Variants in LHFPL3 observed in about 807,000 individuals in gnomAD.
LHFPL3 encodes the protein LHFPL tetraspan subfamily member 3, also known as LHFPL tetraspan subfamily member 3 protein.
In LHFPL3, 5 loss-of-function variants were observed where a neutral mutation model predicts 19.3. The observed-to-expected ratio is 0.26, with a 90% CI of 0.14 to 0.54. The LOEUF (loss-of-function observed/expected upper bound fraction) is 0.54. Ranked by LOEUF, LHFPL3 falls within the 20% of genes least tolerant of loss-of-function variation. The pLI, the probability that LHFPL3 is intolerant of heterozygous loss-of-function variation, is 0.94. For missense variants in LHFPL3, 249 were observed against 307.4 expected, an observed-to-expected ratio of 0.81 and a Z score of 1.42; for synonymous variants, 133 against 126.2, an observed-to-expected ratio of 1.05 and a Z score of -0.36.
At chr7:104,901,626 G>A (rs903766265) in intron 2 of LHFPL3, among the ~76,000 whole-genome samples, 7 of 152,174 alleles carry the variant, frequency 4.6e-5, no homozygotes, top group South Asian at 4.1e-4. Context: ...GGAGTGCAGT[G>A]GTGCGTTCAT....
intron 1 of LHFPL3, among the ~76,000 whole-genome samples, chr7:104,497,309 G>GAAAAAAAAA (rs34908934): frequency 6.2e-5 from 6 of 96,680 alleles, no homozygotes; most frequent in Non-Finnish European, 9.3e-5. Flanking sequence ...TTGAGAAAAG[G>GAAAAAAAAA]AAAAAAAAAA....
intron 2 of LHFPL3, among the ~76,000 whole-genome samples, chr7:104,758,283 T>C (rs1319170857): frequency 6.6e-6 from 1 of 152,176 alleles, no homozygotes; most frequent in Non-Finnish European, 1.5e-5. Flanking sequence ...AGGGATCATT[T>C]GTTCCCCAAA....
intron 1 of LHFPL3, among the ~76,000 whole-genome samples, chr7:104,733,676 A>G (rs111509355): frequency 0.011 from 1,622 of 152,212 alleles, 24 homozygotes; most frequent in East Asian, 0.053. Flanking sequence ...TTTTTATCCA[A>G]TTTGCCAGTC....
intron 1 of LHFPL3, among the ~76,000 whole-genome samples, chr7:104,612,180 G>A (rs1243380330): frequency 3.3e-5 from 5 of 152,158 alleles, no homozygotes; most frequent in African/African-American, 1.2e-4. Flanking sequence ...CATAGACATC[G>A]TCAAACCTGG....
At chr7:104,603,122 CTT>C (rs1562947506) in intron 1 of LHFPL3, among the ~76,000 whole-genome samples, 313 of 120,086 alleles carry the variant, frequency 2.6e-3, no homozygotes, top group African/African-American at 9.1e-3. Context: ...TTCTTTCTTT[CTT>C]TCTTTCTTTT....
At chr7:104,864,290 G>A (rs530496049) in intron 2 of LHFPL3, among the ~76,000 whole-genome samples, 106 of 152,240 alleles carry the variant, frequency 7.0e-4, no homozygotes, top group South Asian at 3.1e-3. Flanking sequence ...GCAGTGCACC[G>A]AGCATGAGCC....
chr7:104,508,320 G>A (rs1793740728), intron 1 of LHFPL3, among the ~76,000 whole-genome samples: 1 of 151,722 alleles, frequency 6.6e-6, no homozygotes, highest in African/African-American at 2.4e-5. Context: ...GGACATGGAT[G>A]AAATTGGAAA....
At position 104,845,359 on chromosome 7, in the gene LHFPL3, G is replaced by GT. The variant is rs560852937; in HGVS notation, c.683-60822dup. On this transcript the variant is annotated intron_variant, in intron 2 of 2. Coordinates refer to ENST00000424859, the MANE Select transcript of LHFPL3 (RefSeq NM_199000.3). ...CTCTTATTTTACCTTTAACCGTTCT[G>GT]TTTTTTCCTCCCACACTCTCAGATG... 60 of 1,391,414 alleles carry GT rather than the reference G, an allele frequency of 4.3e-5. No homozygotes were observed. In the East Asian group the frequency reaches 1.3e-3, roughly 31 times the overall value. The allele number at this position is 1,391,414 out of a possible 1,614,324, so 86.2% of individuals were successfully genotyped here.
At chr7:104,512,934 A>G (rs1004272978) in intron 1 of LHFPL3, among the ~76,000 whole-genome samples, 1 of 152,140 alleles carries the variant, frequency 6.6e-6, no homozygotes, top group Non-Finnish European at 1.5e-5. Context: ...TGGCTGGTTA[A>G]ACAGCTCTTG....
At chr7:104,647,405 G>C (rs1359544080) in intron 1 of LHFPL3, among the ~76,000 whole-genome samples, 2 of 152,160 alleles carry the variant, frequency 1.3e-5, no homozygotes, top group African/African-American at 4.8e-5. Flanking sequence ...CAGCCTCTGA[G>C]GAAATATAAT....
chr7:104,726,332 CT>C (rs1793591517), intron 1 of LHFPL3, among the ~76,000 whole-genome samples: 5 of 140,226 alleles, frequency 3.6e-5, no homozygotes, highest in African/African-American at 1.4e-4. Context: ...GGACCAAAGA[CT>C]ATTTTTTTTT....
intron 1 of LHFPL3, among the ~76,000 whole-genome samples, chr7:104,543,069 G>A (rs568918504): frequency 1.3e-5 from 2 of 152,152 alleles, no homozygotes; most frequent in East Asian, 1.9e-4. Context: ...ACCAAACACC[G>A]CATGTTCTGA....
chr7:104,904,185 G>A (rs955605290), intron 2 of LHFPL3, among the ~76,000 whole-genome samples: 15 of 151,960 alleles, frequency 9.9e-5, no homozygotes, highest in African/African-American at 2.7e-4. Flanking sequence ...TAAAGTAACC[G>A]TGAGTTCTCT....
intron 1 of LHFPL3, among the ~76,000 whole-genome samples, chr7:104,389,439 T>C (rs1021400747): frequency 6.6e-6 from 1 of 152,162 alleles, no homozygotes; most frequent in Non-Finnish European, 1.5e-5. Flanking sequence ...TGGCAATGCT[T>C]CCTTAAATAA....
intron 1 of LHFPL3, among the ~76,000 whole-genome samples, chr7:104,604,810 A>T (rs999150320): frequency 6.6e-6 from 1 of 152,236 alleles, no homozygotes; most frequent in East Asian, 1.9e-4. Flanking sequence ...GGATTTTTCT[A>T]CTCAATTATT....
intron 1 of LHFPL3, among the ~76,000 whole-genome samples, chr7:104,677,482 G>A (rs983741186): frequency 6.6e-6 from 1 of 152,090 alleles, no homozygotes; most frequent in Non-Finnish European, 1.5e-5. Context: ...AATATGTTAT[G>A]TTCATCTCTG....
intron 1 of LHFPL3, among the ~76,000 whole-genome samples, chr7:104,556,618 G>T (rs1789840252): frequency 6.6e-6 from 1 of 152,194 alleles, no homozygotes; most frequent in African/African-American, 2.4e-5. Context: ...AGGTGCTGCT[G>T]CAAAGGTTTC....
rs544965651 is a variant in LHFPL3, at chr7:104,595,017, C to T, written c.446-141658C>T. Among the ~76,000 whole-genome samples the T allele has an allele frequency of 3.3e-5, 5 of 152,264 alleles. No homozygotes were observed. In the East Asian group the frequency reaches 9.7e-4, roughly 29 times the overall value. Reference sequence around the variant, plus strand: ...TTAGCTCGGAGAAGTTTGTTATTACCGACCTTCTGAAGCCTACTTCTGTCA... The same window carrying T: ...TTAGCTCGGAGAAGTTTGTTATTACTGACCTTCTGAAGCCTACTTCTGTCA... On this transcript the variant is annotated intron_variant, in intron 1 of 2. Transcript: ENST00000424859.
chr7:104,458,269 A>G (rs996652567), intron 1 of LHFPL3, among the ~76,000 whole-genome samples: 10 of 152,188 alleles, frequency 6.6e-5, no homozygotes, highest in Admixed American at 4.6e-4. Flanking sequence ...TAAGTCTTTA[A>G]TCCATCTTAA....
Sources: allele counts gnomAD v4.1 joint callset (sites outside exome capture counted in the v4.1 genomes callset), GRCh38; gene constraint gnomAD v4.1.1; transcripts MANE v1.5; gene names NCBI Gene and HGNC (gene_info 2026-07-23, HGNC 2026-07-21).